PRDM1: variants seen among roughly 807,000 people sequenced by gnomAD.
The protein encoded by PRDM1 is PR domain zinc finger protein 1.
A neutral mutation model predicts 62.8 loss-of-function variants in PRDM1; 13 were observed. The ratio of observed to expected loss-of-function variants is 0.21; its 90% CI spans 0.13 to 0.33. The LOEUF (loss-of-function observed/expected upper bound fraction) is 0.33, where lower values mean the gene tolerates loss of function less well. Ranked by LOEUF, PRDM1 falls within the 10% of genes least tolerant of loss-of-function variation. The pLI is 1.00. For synonymous variants in PRDM1, 396 were observed against 417.6 expected (o/e 0.95, Z 0.63); for missense variants, 895 against 1,058.8 (o/e 0.85, Z 2.15).
chr6:106,053,947 G>A (rs183014320), intron 1 of PRDM1, among the ~76,000 whole-genome samples: 3 of 151,602 alleles, frequency 2.0e-5, no homozygotes, highest in Admixed American at 6.6e-5. Flanking sequence ...AGAGTACAAA[G>A]GTTATGAACC....
At chr6:106,008,816 A>G (rs909370453) in intron 1 of PRDM1, among the ~76,000 whole-genome samples, 6 of 152,194 alleles carry the variant, frequency 3.9e-5, no homozygotes, top group Non-Finnish European at 8.8e-5. Flanking sequence ...CATTGCCTGT[A>G]CTGCCTTTGC....
At chr6:106,073,213 C>G (rs749862761) in intron 1 of PRDM1, among the ~76,000 whole-genome samples, 1 of 151,208 alleles carries the variant, frequency 6.6e-6, no homozygotes, top group Admixed American at 6.6e-5. Flanking sequence ...CTCCTGGGTT[C>G]AAGCGATTCT....
At chr6:106,070,238 A>T (rs1304134751) in intron 1 of PRDM1, among the ~76,000 whole-genome samples, 1 of 152,164 alleles carries the variant, frequency 6.6e-6, no homozygotes, top group Non-Finnish European at 1.5e-5. Context: ...CATTTCAGAT[A>T]CCCCCTTCTA....
At chr6:106,040,167 T>C (rs1445160148) in intron 1 of PRDM1, among the ~76,000 whole-genome samples, 1 of 152,262 alleles carries the variant, frequency 6.6e-6, no homozygotes, top group Non-Finnish European at 1.5e-5. Context: ...CTCTTTCTTA[T>C]CTTGAACTGC....
rs11152950 is a variant in PRDM1 at position 106,005,892 on chromosome 6, C to A, written c.-67+12253C>A. On this transcript the variant is annotated intron_variant, in intron 1 of 6. Transcript: ENST00000652320. Reference sequence around the variant, plus strand: ...AACTTTACGGTTAGATATCCTTCAGCCTTGTGATCCCTTTCAGTTTATAAT... The same window carrying A: ...AACTTTACGGTTAGATATCCTTCAGACTTGTGATCCCTTTCAGTTTATAAT... Among the ~76,000 whole-genome samples the A allele has an allele frequency of 1.4e-4, 21 of 152,234 alleles. No homozygotes were observed. The South Asian group carries it at 1.7e-3, about 12-fold the overall frequency.
intron 1 of PRDM1, among the ~76,000 whole-genome samples, chr6:106,072,482 A>G (rs1316145337): frequency 2.0e-5 from 3 of 152,204 alleles, no homozygotes; most frequent in East Asian, 3.9e-4. Flanking sequence ...ATTTTCTGTT[A>G]TAGAAGGGGG....
chr6:105,992,748 C>T (rs552593727), upstream of PRDM1, among the ~76,000 whole-genome samples: 17 of 152,382 alleles, frequency 1.1e-4, no homozygotes, highest in East Asian at 5.8e-4. Context: ...CACCTCCCTC[C>T]ACTTCAGGTC....
rs1158343252 is a variant in PRDM1 at position 105,994,005 on chromosome 6, T to A, written c.-67+366T>A. On this transcript the variant is annotated intron_variant, in intron 1 of 6. Transcript: ENST00000652320. The surrounding 1 kb of genome is among the most constrained non-coding windows in gnomAD (Gnocchi z 4.1). ...AAGCTGGATGTCTTTTCCTAATTTA[T>A]GAAACGTGAACGGGGGTAAGGTATT... Among the ~76,000 whole-genome samples the A allele has an allele frequency of 6.6e-6, 1 of 152,234 alleles. No homozygotes were observed. Among genetic ancestry groups the A allele is most frequent in the Non-Finnish European group, 1.5e-5 (1 of 68,040 alleles).
chr6:106,026,142 AGTC>A (rs1196028976), intron 1 of PRDM1, among the ~76,000 whole-genome samples: 1 of 152,220 alleles, frequency 6.6e-6, no homozygotes, highest in Non-Finnish European at 1.5e-5. Context: ...ATTGTAATAT[AGTC>A]TTCGATGCAA....
At chr6:106,093,797 G>A (rs1308222603) in intron 2 of PRDM1, among the ~76,000 whole-genome samples, 1 of 152,170 alleles carries the variant, frequency 6.6e-6, no homozygotes, top group East Asian at 1.9e-4. Context: ...GAAGGCAGAG[G>A]AGGAGGATGA....
Position 106,107,440 on chromosome 6 carries a change from T to C in PRDM1, c.2432T>C (p.Val811Ala). The change falls in exon 7 of 7, where the codon GTA becomes GCA. Residue 811 changes from valine to alanine, a missense_variant. Physicochemically the swap from Val to Ala is moderately conservative, Grantham distance 64 (BLOSUM62 0). Around this residue, in one of 4 missense-constraint regions of PRDM1, gnomAD observed 164 missense variants for 179.9 expected, o/e 0.91. Coordinates refer to ENST00000369096, the MANE Select transcript of PRDM1 (RefSeq NM_001198.4). ...KLPPSNPLPLVPVKVKQETVE... is the reference protein window; with the variant it reads ...KLPPSNPLPLAPVKVKQETVE... ...CCTCCCAGCAACCCACTACCTCTGG[T>C]ACCTGTAAAGGTCAAACAAGAAACA... is the stretch of plus-strand genomic sequence containing the variant. 1 of 1,613,898 alleles carries C rather than the reference T, an allele frequency of 6.2e-7. No homozygotes were observed. Among genetic ancestry groups the C allele is most frequent in the Non-Finnish European group, 8.5e-7 (1 of 1,179,920 alleles).
intron 1 of PRDM1, among the ~76,000 whole-genome samples, chr6:106,001,829 G>A (rs1772428475): frequency 1.3e-5 from 2 of 152,080 alleles, no homozygotes; most frequent in African/African-American, 4.8e-5. Flanking sequence ...ATGGATTGTA[G>A]GGTCAGTAGA....
chr6:106,016,775 G>A (rs1372231231), intron 1 of PRDM1, among the ~76,000 whole-genome samples: 1 of 151,554 alleles, frequency 6.6e-6, no homozygotes, highest in East Asian at 1.9e-4. Flanking sequence ...CAGCCCCCGA[G>A]TGTCTGTGAT....
At chr6:106,061,432 A>G (rs566384722) in intron 1 of PRDM1, among the ~76,000 whole-genome samples, 1 of 152,268 alleles carries the variant, frequency 6.6e-6, no homozygotes, top group East Asian at 1.9e-4. Context: ...CTTGTCCTTA[A>G]ACACCTGGCT....
chr6:106,024,557 A>G (rs1772741218), intron 1 of PRDM1, among the ~76,000 whole-genome samples: 3 of 152,210 alleles, frequency 2.0e-5, no homozygotes, highest in South Asian at 4.1e-4. Flanking sequence ...GATGTTTGCA[A>G]TGGTCATTAT....
At chr6:106,048,414 G>A (rs1353630052), upstream of PRDM1, among the ~76,000 whole-genome samples, 2 of 151,990 alleles carry the variant, frequency 1.3e-5, no homozygotes, top group African/African-American at 4.8e-5. Context: ...TCTAGAAAAA[G>A]CAATATGAGT....
At chr6:106,037,763 C>T (rs975461921) in intron 1 of PRDM1, among the ~76,000 whole-genome samples, 4 of 151,926 alleles carry the variant, frequency 2.6e-5, no homozygotes, top group African/African-American at 9.7e-5. Context: ...GTTTTCTTGA[C>T]TTTCCCCACA....
chr6:106,027,767 G>T lies in PRDM1; in HGVS notation c.-67+34128G>T, dbSNP rs577672021. Among the ~76,000 whole-genome samples the T allele has an allele frequency of 3.9e-5, 6 of 152,132 alleles. No homozygotes were observed. In the South Asian group the frequency reaches 1.2e-3, roughly 32 times the overall value. On this transcript the variant is annotated intron_variant, in intron 1 of 6. Coordinates refer to the PRDM1 transcript ENST00000652320. ...CTTGAGAGTGTCCTACAAATGAGGG[G>T]CAAAAACCCTCTGTTTGGCAGGAGA... is the stretch of plus-strand genomic sequence containing the variant.
At chr6:106,039,848 A>T (rs1772969179) in intron 1 of PRDM1, among the ~76,000 whole-genome samples, 1 of 152,268 alleles carries the variant, frequency 6.6e-6, no homozygotes, top group Non-Finnish European at 1.5e-5. Context: ...TCAGTTAGCT[A>T]GTCCATAGCG....
Sources: allele counts gnomAD v4.1 joint callset (sites outside exome capture counted in the v4.1 genomes callset), GRCh38; gene constraint gnomAD v4.1.1; regional missense constraint gnomAD v4.1.1; non-coding constraint Gnocchi (gnomAD v3.1); transcripts MANE v1.5; gene names NCBI Gene and HGNC (gene_info 2026-07-23, HGNC 2026-07-21).